MEP1A: variants seen among roughly 807,000 people sequenced by gnomAD.
MEP1A encodes N-benzoyl-L-tyrosyl-P-amino-benzoic acid hydrolase subunit alpha.
MEP1A carries 68 observed loss-of-function variants against 84.5 expected under a neutral mutation model. The observed-to-expected ratio is 0.80, with a 90% CI of 0.66 to 0.98. The LOEUF (loss-of-function observed/expected upper bound fraction) is 0.98. Among genes scored for constraint, MEP1A ranks in the 50% least tolerant of loss-of-function variants. The pLI is 0.00. For missense variants in MEP1A, 887 were observed against 919.9 expected (o/e 0.96, Z 0.46); for synonymous variants, 337 against 336.8 (o/e 1.00, Z -0.01).
chr6:46,807,819 G>GAAAC (rs1562107096), intron 5 of MEP1A, among the ~76,000 whole-genome samples: 2 of 150,870 alleles, frequency 1.3e-5, no homozygotes, highest in South Asian at 4.2e-4. Flanking sequence ...AAGAAAGAAA[G>GAAAC]AAAGAAAGAA....
chr6:46,802,757 G>A (rs12209902), intron 5 of MEP1A, among the ~76,000 whole-genome samples: 6,739 of 151,752 alleles, frequency 0.044, 152 homozygotes, highest in African/African-American at 0.069. Context: ...TTGTTACAGT[G>A]TATCAAATGC....
At chr6:46,817,702 A>G (rs1272510523) in intron 6 of MEP1A, among the ~76,000 whole-genome samples, 1 of 152,358 alleles carries the variant, frequency 6.6e-6, no homozygotes, top group East Asian at 1.9e-4. Context: ...TCACTTTCAC[A>G]GTGAAGTTCT....
chr6:46,834,562 A>T lies in MEP1A; in HGVS notation c.1610-16A>T, dbSNP rs1768167288. 6.3e-7 allele frequency: 1 copy of T among 1,591,792 alleles called. No individual in the cohort carries two copies. The highest frequency in any genetic ancestry group is 2.2e-5 in the East Asian group (1 of 44,474). On this transcript the variant is annotated splice_polypyrimidine_tract_variant and intron_variant, in intron 11 of 13. Transcript: ENST00000230588. Reference sequence around the variant, plus strand: ...TAAAGAGGTAATGTGATTTTATGTTACCTACAACTTTGCAGCGATAAATGA... The same window carrying T: ...TAAAGAGGTAATGTGATTTTATGTTTCCTACAACTTTGCAGCGATAAATGA...
chr6:46,826,863 GA>G (rs1767959969), intron 9 of MEP1A, among the ~76,000 whole-genome samples: 1 of 152,074 alleles, frequency 6.6e-6, no homozygotes. Context: ...TGGCACAATG[GA>G]TAACACATGG....
intron 7 of MEP1A, among the ~76,000 whole-genome samples, chr6:46,822,133 T>C (rs1562112210): frequency 6.6e-6 from 1 of 152,226 alleles, no homozygotes; most frequent in Non-Finnish European, 1.5e-5. Context: ...TGACAAACTA[T>C]AGTCCATGGG....
chr6:46,793,815 C>A, intron 3 of MEP1A, 99 bp downstream of exon 3: 1 of 828,578 alleles, frequency 1.2e-6, no homozygotes, highest in South Asian at 1.9e-5. Flanking sequence ...TTGTGATTCT[C>A]TGGGGGAGAA....
chr6:46,837,256 T>A (rs1449997554), intron 13 of MEP1A, among the ~76,000 whole-genome samples: 2 of 152,248 alleles, frequency 1.3e-5, no homozygotes, highest in African/African-American at 4.8e-5. Context: ...CACGAAGGAA[T>A]CATAAACATT....
chr6:46,793,638 T>C (rs1212833511), intron 2 of MEP1A, 28 bp from the exon 3 acceptor site: 1 of 1,590,694 alleles, frequency 6.3e-7, no homozygotes, highest in Non-Finnish European at 8.6e-7. Flanking sequence ...GCAAGACTAA[T>C]AATAATTTTT....
chr6:46,833,334 G>A lies in MEP1A; in HGVS notation c.1405G>A (p.Val469Ile). The A allele has an allele frequency of 1.9e-6, 3 of 1,613,926 alleles. No individual in the cohort carries two copies. Among genetic ancestry groups the A allele is most frequent in the East Asian group, 2.2e-5 (1 of 44,886 alleles). Residue 469 changes from valine (V) to isoleucine (I), a missense_variant, in exon 11 of 14, where the codon GTA becomes ATA. Transcript: ENST00000230588. ...FYNSEGYGFG[V>I]TLYPNSRESS... ...CAATTCGGAGGGATATGGTTTTGGG[G>A]TAACTTTATACCCAAATAGCAGAGA...
intron 2 of MEP1A, 24 bp from the exon 3 acceptor site, chr6:46,793,642 A>C: frequency 1.3e-6 from 2 of 1,594,160 alleles, no homozygotes; most frequent in Non-Finnish European, 1.7e-6. Context: ...GACTAATAAT[A>C]ATTTTTTTTC....
chr6:46,814,779 G>T (rs1356485260), intron 6 of MEP1A, among the ~76,000 whole-genome samples: 1 of 152,004 alleles, frequency 6.6e-6, no homozygotes, highest in Non-Finnish European at 1.5e-5. Flanking sequence ...CTAGGAATGG[G>T]GCTTCTTGAG....
rs746966281 is a variant in MEP1A, at chr6:46,829,384, C to T, written c.957C>T (p.Thr319=). The T allele has an allele frequency of 6.2e-7, 1 of 1,613,728 alleles. No homozygotes were observed. Among genetic ancestry groups the T allele is most frequent in the Middle Eastern group, 1.8e-4 (1 of 5,710 alleles). Residue 319 remains threonine, a synonymous_variant, in exon 10 of 14, where the codon ACC becomes ACT. Coordinates refer to ENST00000230588, the MANE Select transcript of MEP1A (RefSeq NM_005588.3). ...CCGGCTACTTCATGCAGTTCAGCACCAGCTCGGGGTCCGCGGAAGAGGCAG... is the reference window on the plus strand; with the variant it reads ...CCGGCTACTTCATGCAGTTCAGCACTAGCTCGGGGTCCGCGGAAGAGGCAG... The part of the protein sequence containing the change: ...TGAGYFMQFS[T]SSGSAEEAAL...
chr6:46,834,294 T>C (rs1396254614), intron 11 of MEP1A, among the ~76,000 whole-genome samples: 2 of 152,026 alleles, frequency 1.3e-5, no homozygotes, highest in Admixed American at 1.3e-4. Flanking sequence ...CCCTCTCTTT[T>C]CATTAAGAAA....
chr6:46,799,165 C>T lies in MEP1A; in HGVS notation c.246C>T (p.Ile82=), dbSNP rs752787720. Residue 82 remains isoleucine, a synonymous_variant, in exon 5 of 14, where the codon ATC becomes ATT. Coordinates refer to ENST00000230588, the MANE Select transcript of MEP1A (RefSeq NM_005588.3). The part of the protein sequence containing the change: ...NTRWTFPIPY[I]LADNLGLNAK... ...GGTGGACGTTCCCCATTCCTTACAT[C>T]TTGGCTGATAATTTGGGTAATATTA... The T allele has an allele frequency of 1.6e-5, 26 of 1,609,152 alleles. No homozygotes were observed. Among genetic ancestry groups the T allele is most frequent in the Admixed American group, 6.7e-5 (4 of 59,982 alleles).
Position 46,797,790 on chromosome 6 carries a change from T to C in MEP1A, c.146-816T>C, listed in dbSNP as rs959352162. Among the ~76,000 whole-genome samples, 30 of 120,734 alleles carry C rather than the reference T, an allele frequency of 2.5e-4. 1 individual carries two copies. Among genetic ancestry groups the C allele is most frequent in the Admixed American group, 2.0e-3 (24 of 11,866 alleles). 79.2% of individuals were successfully genotyped at this position (120,734 alleles called of 152,430 possible). On this transcript the variant is annotated intron_variant, in intron 3 of 13. Transcript: ENST00000230588. ...TCTTTCTTTTTCTTTCTTTCTTTCT[T>C]TCTCTTTCTTTCTTTCTTTCTTTCT...
At chr6:46,822,231 T>C (rs571166799) in intron 7 of MEP1A, among the ~76,000 whole-genome samples, 58 of 152,342 alleles carry the variant, frequency 3.8e-4, no homozygotes, top group African/African-American at 1.3e-3. Flanking sequence ...GTTTTCGTGC[T>C]ACAATGGCAG....
intron 10 of MEP1A, 119 bp downstream of exon 10, chr6:46,829,690 A>G: frequency 1.4e-6 from 1 of 721,212 alleles, no homozygotes; most frequent in South Asian, 1.7e-5. Flanking sequence ...CTTTTCCTCC[A>G]CCCACTTTCT....
rs986323402 is a variant in MEP1A, at chr6:46,835,492, C to G, written c.2027C>G (p.Pro676Arg). Residue 676 changes from proline (P) to arginine (R), a missense_variant, in exon 13 of 14, where the codon CCA becomes CGA. Pro to Arg is a moderately radical substitution (Grantham distance 103). Coordinates refer to ENST00000230588, the MANE Select transcript of MEP1A (RefSeq NM_005588.3). The stretch of plus-strand genomic sequence containing the variant: ...CAGTACTTCAGAGACCCATGTGACC[C>G]AAACCCTTGCCAAAATGACGGCATC... ...WPQYFRDPCD[P>R]NPCQNDGICV... The G allele has an allele frequency of 2.5e-6, 4 of 1,613,390 alleles. No individual in the cohort carries two copies. The African/African-American group carries it at 5.3e-5, about 22-fold the overall frequency.
chr6:46,793,628 G>A (rs754557519), intron 2 of MEP1A, 38 bp from the exon 3 acceptor site: 1 of 1,582,690 alleles, frequency 6.3e-7, no homozygotes, highest in Non-Finnish European at 8.6e-7. Context: ...TTTTCCTTCG[G>A]CAAGACTAAT....
Sources: allele counts gnomAD v4.1 joint callset (sites outside exome capture counted in the v4.1 genomes callset), GRCh38; gene constraint gnomAD v4.1.1; transcripts MANE v1.5; gene names NCBI Gene and HGNC (gene_info 2026-07-23, HGNC 2026-07-21).